Variants in RECK observed in about 807,000 individuals in gnomAD.
RECK encodes reversion-inducing cysteine-rich protein with Kazal motifs.
In RECK, 69 loss-of-function variants were observed where a neutral mutation model predicts 115.1. The observed-to-expected ratio is 0.60, with a 90% CI of 0.49 to 0.73. The LOEUF (loss-of-function observed/expected upper bound fraction) is 0.73. RECK is among the 30% of genes least tolerant of loss of function. RECK has a pLI of 0.00. For synonymous variants in RECK, 414 were observed against 419.7 expected (o/e 0.99, Z 0.17); for missense variants, 1,047 against 1,203.7 (o/e 0.87, Z 1.93).
intron 14 of RECK, among the ~76,000 whole-genome samples, chr9:36,108,590 G>T (rs983492345): frequency 2.0e-5 from 3 of 152,030 alleles, no homozygotes; most frequent in Non-Finnish European, 4.4e-5. Context: ...AATCCCTTAC[G>T]CTTCACAGGC....
intron 1 of RECK, among the ~76,000 whole-genome samples, chr9:36,043,191 A>ATTTTTTTTTT (rs761649232): frequency 5.6e-5 from 3 of 53,982 alleles, no homozygotes; most frequent in South Asian, 7.6e-4. Context: ...CGCCTGGCTA[A>ATTTTTTTTTT]TTTTTTTTTT....
chr9:36,091,838 G>A (rs985850985), intron 10 of RECK, among the ~76,000 whole-genome samples: 2 of 152,172 alleles, frequency 1.3e-5, no homozygotes, highest in African/African-American at 2.4e-5. Flanking sequence ...CTGAGCCTTG[G>A]AGCATATCAA....
At chr9:36,112,621 A>G (rs1457864728) in intron 16 of RECK, 145 bp downstream of exon 16, 9 of 885,570 alleles carry the variant, frequency 1.0e-5, no homozygotes, top group Non-Finnish European at 1.4e-5. Context: ...AAAGAGAGCC[A>G]TGTAAAGCTG....
chr9:36,058,787 A>G, intron 2 of RECK, 40 bp from the exon 3 acceptor site: 1 of 1,480,666 alleles, frequency 6.8e-7, no homozygotes, highest in Non-Finnish European at 9.2e-7. Context: ...TATTTCTTAT[A>G]GAAAAATGCC....
intron 4 of RECK, among the ~76,000 whole-genome samples, chr9:36,061,628 A>G (rs1821770556): frequency 6.6e-6 from 1 of 152,206 alleles, no homozygotes. Flanking sequence ...AGCATACTTC[A>G]TTATGATATA....
chr9:36,116,260 C>CT (rs1824260575), intron 16 of RECK, among the ~76,000 whole-genome samples: 1 of 151,846 alleles, frequency 6.6e-6, no homozygotes, highest in Non-Finnish European at 1.5e-5. Context: ...TCCTGAGTAG[C>CT]TGGGATTACA....
intron 6 of RECK, among the ~76,000 whole-genome samples, chr9:36,078,391 G>T (rs1402894799): frequency 6.6e-6 from 1 of 152,230 alleles, no homozygotes; most frequent in Non-Finnish European, 1.5e-5. Context: ...CATCCAGGTT[G>T]AACAAATGTA....
intron 1 of RECK, among the ~76,000 whole-genome samples, chr9:36,046,013 G>A (rs536628541): frequency 2.0e-5 from 3 of 152,124 alleles, no homozygotes; most frequent in Non-Finnish European, 2.9e-5. Flanking sequence ...TGCAAGATAC[G>A]ACACTCATAC....
intron 17 of RECK, among the ~76,000 whole-genome samples, chr9:36,118,390 A>C (rs1445086900): frequency 6.6e-6 from 1 of 152,114 alleles, no homozygotes; most frequent in African/African-American, 2.4e-5. Context: ...AGACCTCTGC[A>C]TTTGCATGAA....
intron 1 of RECK, among the ~76,000 whole-genome samples, chr9:36,038,511 C>T (rs1422213302): frequency 6.6e-6 from 1 of 152,230 alleles, no homozygotes; most frequent in Non-Finnish European, 1.5e-5. Context: ...TCTCCTCCCA[C>T]AACCAGTCAG....
At chr9:36,076,716 T>A (rs78032771) in intron 6 of RECK, among the ~76,000 whole-genome samples, 3,879 of 152,244 alleles carry the variant, frequency 0.025, 172 homozygotes, top group African/African-American at 0.087. Context: ...GGATCAAAAA[T>A]AATTTTTTTA....
intron 2 of RECK, among the ~76,000 whole-genome samples, chr9:36,053,684 T>C (rs1046945840): frequency 2.0e-5 from 3 of 152,182 alleles, no homozygotes; most frequent in African/African-American, 7.2e-5. Context: ...TGTTTCTTGC[T>C]TTTTCTACTG....
intron 10 of RECK, among the ~76,000 whole-genome samples, chr9:36,097,313 C>T (rs1308797161): frequency 6.9e-6 from 1 of 145,028 alleles, no homozygotes; most frequent in Admixed American, 6.9e-5. Flanking sequence ...GGGCGACAGA[C>T]CAAGACTCCA....
At chr9:36,059,018 T>C in intron 3 of RECK, 117 bp downstream of exon 3, 1 of 572,372 alleles carries the variant, frequency 1.7e-6, no homozygotes, top group Non-Finnish European at 2.8e-6. Flanking sequence ...CAAAATAAAA[T>C]GTTAAGTTTA....
In RECK at chr9:36,094,150, G is replaced by A. The variant is rs1217975418; in HGVS notation, c.1085+2807G>A. Among the ~76,000 whole-genome samples the A allele has an allele frequency of 6.6e-6, 1 of 151,932 alleles. No homozygotes were observed. Among genetic ancestry groups the A allele is most frequent in the Non-Finnish European group, 1.5e-5 (1 of 67,948 alleles). ...AAAACTCAGACCTATAGAGCACTGGGATTGGTAAATGTTGGTAAACATGAA... is the reference window on the plus strand; with the variant it reads ...AAAACTCAGACCTATAGAGCACTGGAATTGGTAAATGTTGGTAAACATGAA... On this transcript the variant is annotated intron_variant, in intron 10 of 20. Transcript: ENST00000377966. This position sits in a 1 kb window ranked among gnomAD's most constrained non-coding sequence, Gnocchi z 4.1.
At chr9:36,096,916 G>GCACAACATATCA (rs1823365391) in intron 10 of RECK, among the ~76,000 whole-genome samples, 1 of 87,164 alleles carries the variant, frequency 1.1e-5, no homozygotes, top group Admixed American at 1.4e-4. Context: ...ATGCACAGGT[G>GCACAACATATCA]TGTGCATACA....
intron 16 of RECK, among the ~76,000 whole-genome samples, chr9:36,114,399 T>C (rs942513238): frequency 6.6e-6 from 1 of 152,224 alleles, no homozygotes; most frequent in African/African-American, 2.4e-5. Context: ...AGCTAAAGTT[T>C]GATAACATGG....
intron 12 of RECK, among the ~76,000 whole-genome samples, chr9:36,102,784 T>C (rs1033850856): frequency 3.3e-5 from 5 of 151,480 alleles, no homozygotes; most frequent in Admixed American, 6.6e-5. Flanking sequence ...TGAGACCCCG[T>C]CTCTACTAAA....
At chr9:36,078,118 A>G (rs1822527530) in intron 6 of RECK, among the ~76,000 whole-genome samples, 1 of 152,248 alleles carries the variant, frequency 6.6e-6, no homozygotes, top group Non-Finnish European at 1.5e-5. Flanking sequence ...TCCAATAAAA[A>G]CTTTATTTCC....
Sources: gnomAD v4.1 joint callset for allele counts (sites outside exome capture counted in the v4.1 genomes callset) on GRCh38, gnomAD v4.1.1 for gene constraint, Gnocchi (gnomAD v3.1) non-coding constraint, MANE v1.5 for transcripts, NCBI Gene and HGNC (gene_info 2026-07-23, HGNC 2026-07-21) for gene names.